The following ARHGAP24 variants were observed in gnomAD, a reference collection of about 807,000 sequenced individuals.
ARHGAP24 encodes the protein Rho GTPase activating protein 24, also known as rho GTPase-activating protein 24.
Under a neutral mutation model 76.4 loss-of-function variants are expected in ARHGAP24, and 50 were observed. The ratio of observed to expected loss-of-function variants is 0.65; its 90% CI spans 0.52 to 0.83. The LOEUF is 0.83. Ranked by LOEUF, ARHGAP24 falls within the 40% of genes least tolerant of loss-of-function variation. The pLI is 0.00. For missense variants in ARHGAP24, 930 were observed against 914.2 expected (o/e 1.02, Z -0.22); for synonymous variants, 345 against 323.3 (o/e 1.07, Z -0.72).
chr4:85,821,235 T>A (rs1262690491), intron 3 of ARHGAP24, among the ~76,000 whole-genome samples: 3 of 152,194 alleles, frequency 2.0e-5, no homozygotes, highest in Admixed American at 6.5e-5. Flanking sequence ...AATATTAAGA[T>A]CTTTAAATTT....
intron 2 of ARHGAP24, among the ~76,000 whole-genome samples, chr4:85,600,205 A>G (rs1267907215): frequency 6.6e-6 from 1 of 152,208 alleles, no homozygotes; most frequent in Non-Finnish European, 1.5e-5. Context: ...AAAGGAGGTC[A>G]GTTTGGCTGA....
At chr4:85,884,621 C>T (rs1733455934) in intron 3 of ARHGAP24, among the ~76,000 whole-genome samples, 1 of 152,120 alleles carries the variant, frequency 6.6e-6, no homozygotes, top group Non-Finnish European at 1.5e-5. Flanking sequence ...AATCTCCATG[C>T]AACCCCTATC....
intron 3 of ARHGAP24, among the ~76,000 whole-genome samples, chr4:85,780,375 T>C (rs577233893): frequency 1.6e-4 from 25 of 152,148 alleles, no homozygotes; most frequent in Non-Finnish European, 3.4e-4. Context: ...GGTTTCACCA[T>C]GTTGGCCACG....
At chr4:85,483,097 G>A (rs936415130) in intron 1 of ARHGAP24, among the ~76,000 whole-genome samples, 11 of 152,112 alleles carry the variant, frequency 7.2e-5, no homozygotes, top group African/African-American at 2.7e-4. Flanking sequence ...TTTATGAAGT[G>A]AGCAATGCAT....
chr4:85,869,166 G>T (rs1336329499), intron 3 of ARHGAP24, among the ~76,000 whole-genome samples: 1 of 152,070 alleles, frequency 6.6e-6, no homozygotes, highest in Non-Finnish European at 1.5e-5. Flanking sequence ...TGCCCATAAT[G>T]TTGAAAATAA....
chr4:85,995,413 A>G lies in ARHGAP24; in HGVS notation c.1759A>G (p.Asn587Asp). ...CCCAGAGCAAGACTTTTTTGGGGGG[A>G]ACTTTGAGGACCCTGTTTTGGATGG... ...TCPEQDFFGG[N>D]FEDPVLDGPP... The change falls in exon 9 of 10, where the codon AAC (asparagine) becomes GAC (aspartate). Residue 587 changes from asparagine (N) to aspartate (D), a missense_variant. Transcript: ENST00000395184. 1 of 1,612,356 alleles carries G rather than the reference A, an allele frequency of 6.2e-7. No homozygotes were observed. The highest frequency in any genetic ancestry group is 8.5e-7 in the Non-Finnish European group (1 of 1,178,740).
rs188254479 is a variant in ARHGAP24 at position 85,988,401 on chromosome 4, G to C, written c.929-6182G>C. Among the ~76,000 whole-genome samples, 277 of 151,762 alleles carry C rather than the reference G, an allele frequency of 1.8e-3. 1 individual carries two copies. The highest frequency in any genetic ancestry group is 2.0e-3 in the Non-Finnish European group (137 of 67,698). On this transcript the variant is annotated intron_variant, in intron 8 of 9. Coordinates refer to ENST00000395184, the MANE Select transcript of ARHGAP24 (RefSeq NM_001025616.3). ...AGAAATGAAATGTATGACAACGACA[G>C]AATAAAAGACAGAAAATGGAAGCAA...
Position 86,000,444 on chromosome 4 carries a change from TCCCCACCCCCCACCCC to T in ARHGAP24, c.2004-29_2004-14del. The T allele has an allele frequency of 1.6e-6, 1 of 616,688 alleles. No homozygotes were observed. Among genetic ancestry groups the T allele is most frequent in the Non-Finnish European group, 2.7e-6 (1 of 367,608 alleles). 38.2% of individuals were successfully genotyped at this position (616,688 alleles called of 1,614,324 possible). Reference sequence around the variant, plus strand: ...AATCACTTTATCTCTTACTCTTGCGTCCCCACCCCCCACCCCCCCCAACATCCTTTGTAGCTTAGAA... The same window carrying T: ...AATCACTTTATCTCTTACTCTTGCGTCCCCAACATCCTTTGTAGCTTAGAA... On this transcript the variant is annotated intron_variant, in intron 9 of 9. Transcript: ENST00000395184.
chr4:85,561,780 C>A (rs1013350765), intron 1 of ARHGAP24, among the ~76,000 whole-genome samples: 1 of 152,142 alleles, frequency 6.6e-6, no homozygotes, highest in Admixed American at 6.5e-5. Flanking sequence ...TCTCTGCTAC[C>A]TCTGCTCAAT....
intron 2 of ARHGAP24, among the ~76,000 whole-genome samples, chr4:85,691,705 C>T (rs1390381490): frequency 6.6e-6 from 1 of 152,170 alleles, no homozygotes; most frequent in Non-Finnish European, 1.5e-5. Context: ...CTTTCTCCAT[C>T]CCTTTACTTT....
intron 3 of ARHGAP24, among the ~76,000 whole-genome samples, chr4:85,906,443 G>A (rs1328030584): frequency 6.6e-6 from 1 of 152,164 alleles, no homozygotes; most frequent in Non-Finnish European, 1.5e-5. Context: ...ATCAGTAATA[G>A]TGATCCCATC....
chr4:85,827,991 T>C (rs1226056163), intron 3 of ARHGAP24: 6 of 1,289,296 alleles, frequency 4.7e-6, no homozygotes, highest in Non-Finnish European at 6.1e-6. Flanking sequence ...AGCTGGGTGC[T>C]TTGTTCTTAA....
intron 3 of ARHGAP24, among the ~76,000 whole-genome samples, chr4:85,771,663 C>G (rs1350612412): frequency 1.3e-5 from 2 of 152,190 alleles, no homozygotes; most frequent in Non-Finnish European, 2.9e-5. Context: ...AGAGAAGCCT[C>G]AACATTTTGC....
At chr4:85,949,711 A>G (rs979786668) in intron 5 of ARHGAP24, among the ~76,000 whole-genome samples, 3 of 152,210 alleles carry the variant, frequency 2.0e-5, no homozygotes, top group Non-Finnish European at 4.4e-5. Flanking sequence ...ATGGCAAATC[A>G]CAAGACCAAT....
In ARHGAP24 at chr4:85,751,431, A is replaced by G. The variant is rs1274109223; in HGVS notation, c.268+29459A>G. Among the ~76,000 whole-genome samples the G allele has an allele frequency of 3.9e-5, 6 of 152,210 alleles. No individual in the cohort carries two copies. The East Asian group carries it at 9.6e-4, about 24-fold the overall frequency. On this transcript the variant is annotated intron_variant, in intron 3 of 9. Coordinates refer to ENST00000395184, the MANE Select transcript of ARHGAP24 (RefSeq NM_001025616.3). ...TATTATGAGTGTGTGTATTAAATTT[A>G]TATATTAGGATGGCCATAAGAAATT...
At chr4:85,846,002 T>C (rs570690869) in intron 3 of ARHGAP24, among the ~76,000 whole-genome samples, 1 of 152,180 alleles carries the variant, frequency 6.6e-6, no homozygotes, top group South Asian at 2.1e-4. Flanking sequence ...GCCTCCCATG[T>C]TCAAATGATT....
intron 8 of ARHGAP24, among the ~76,000 whole-genome samples, chr4:85,984,245 GGTGA>G (rs1421845135): frequency 5.9e-5 from 9 of 152,148 alleles, no homozygotes; most frequent in Admixed American, 5.9e-4. Flanking sequence ...TTGGTAAGTG[GGTGA>G]GTGTCTTAGT....
intron 8 of ARHGAP24, among the ~76,000 whole-genome samples, chr4:85,980,176 T>C (rs1209993033): frequency 6.6e-6 from 1 of 152,236 alleles, no homozygotes; most frequent in Non-Finnish European, 1.5e-5. Context: ...TCATTGCTAC[T>C]GGCTTGGTCA....
intron 3 of ARHGAP24, among the ~76,000 whole-genome samples, chr4:85,835,606 A>G (rs1188618767): frequency 6.6e-6 from 1 of 152,058 alleles, no homozygotes; most frequent in Non-Finnish European, 1.5e-5. Context: ...AATGGTTCTA[A>G]AAAGGAAAGC....
Sources: gnomAD v4.1 joint callset for allele counts (sites outside exome capture counted in the v4.1 genomes callset) on GRCh38, gnomAD v4.1.1 for gene constraint, MANE v1.5 for transcripts, NCBI Gene and HGNC (gene_info 2026-07-23, HGNC 2026-07-21) for gene names.